The following KIAA1328 variants were observed in gnomAD, a reference collection of about 807,000 sequenced individuals.
KIAA1328 encodes the protein KIAA1328.
In KIAA1328, 52 loss-of-function variants were observed where a neutral mutation model predicts 68.1. The ratio of observed to expected loss-of-function variants is 0.76; its 90% CI spans 0.61 to 0.96. KIAA1328 has a LOEUF of 0.96. KIAA1328 is among the 40% of genes least tolerant of loss of function. The pLI is 0.00. For missense variants in KIAA1328, 641 were observed against 677.6 expected, an observed-to-expected ratio of 0.95 and a Z score of 0.60; for synonymous variants, 232 against 239.4, an observed-to-expected ratio of 0.97 and a Z score of 0.28.
intron 6 of KIAA1328, among the ~76,000 whole-genome samples, chr18:37,023,907 A>C (rs1305996801): frequency 3.9e-5 from 6 of 152,206 alleles, no homozygotes; most frequent in African/African-American, 4.8e-5. Context: ...TTTGTCACCC[A>C]GGTAATAAGC....
At position 37,013,295 on chromosome 18, in the gene KIAA1328, A is replaced by G. The variant is rs118118363; in HGVS notation, c.577-53595A>G. The stretch of plus-strand genomic sequence containing the variant: ...ACTTATATGACCTTTGAAAAATTAA[A>G]TAATCTATAGACTTCCTCATATATA... On this transcript the variant is annotated intron_variant, in intron 6 of 9. Transcript: ENST00000280020. Among the ~76,000 whole-genome samples, 1,066 of 152,262 alleles carry G rather than the reference A, an allele frequency of 7.0e-3. 6 individuals are homozygous for G. Among genetic ancestry groups the G allele is most frequent in the Middle Eastern group, 0.017 (5 of 294 alleles).
intron 6 of KIAA1328, among the ~76,000 whole-genome samples, chr18:36,976,080 T>C (rs1168156587): frequency 6.6e-6 from 1 of 152,218 alleles, no homozygotes; most frequent in Non-Finnish European, 1.5e-5. Context: ...TTTCTGATGA[T>C]GTAACTGTCC....
intron 5 of KIAA1328, among the ~76,000 whole-genome samples, chr18:36,940,675 T>C (rs1168405530): frequency 1.9e-5 from 2 of 107,874 alleles, no homozygotes; most frequent in African/African-American, 5.8e-5. Flanking sequence ...CTCATTTTAC[T>C]TTTTTTTTTT....
chr18:36,910,933 A>G (rs2049421189), intron 5 of KIAA1328, among the ~76,000 whole-genome samples: 1 of 152,038 alleles, frequency 6.6e-6, no homozygotes, highest in African/African-American at 2.4e-5. Flanking sequence ...GTCTGAAACT[A>G]ATCCACCTCC....
Position 36,885,559 on chromosome 18 carries a change from T to C in KIAA1328, c.335T>C (p.Val112Ala). The change falls in exon 5 of 10, where the codon GTA becomes GCA. Residue 112 changes from valine (V) to alanine (A), a missense_variant and splice_region_variant. By Grantham distance (64) the Val-to-Ala change is moderately conservative (BLOSUM62 0). Transcript: ENST00000280020. ...IANLIKELAR[V>A]SEEKEVTEER... ...AGGTTTTTTTTTTTTTATTTCAGAG[T>C]AAGTGAGGAAAAGGAAGTGACAGAG... 1 of 1,508,384 alleles carries C rather than the reference T, an allele frequency of 6.6e-7. No individual in the cohort carries two copies. Among genetic ancestry groups the C allele is most frequent in the Non-Finnish European group, 8.9e-7 (1 of 1,127,808 alleles). 93.4% of individuals were successfully genotyped at this position (1,508,384 alleles called of 1,614,324 possible).
chr18:37,088,431 C>G (rs1383710056), intron 7 of KIAA1328, among the ~76,000 whole-genome samples: 1 of 152,084 alleles, frequency 6.6e-6, no homozygotes, highest in Non-Finnish European at 1.5e-5. Flanking sequence ...TTTGCAGTCA[C>G]TCTGTATTCA....
chr18:37,135,555 T>C (rs575939832), intron 7 of KIAA1328, among the ~76,000 whole-genome samples: 96 of 152,326 alleles, frequency 6.3e-4, no homozygotes, highest in African/African-American at 2.3e-3. Flanking sequence ...CTTGTTTAAC[T>C]GTTTTAGCTC....
chr18:36,954,328 G>C (rs1408335599), intron 5 of KIAA1328: 1 of 152,022 alleles, frequency 6.6e-6, no homozygotes, highest in Non-Finnish European at 1.5e-5. Context: ...CTGTGAAGTG[G>C]AAGTTAGATT....
rs1004981372 is a variant in KIAA1328 at position 37,066,988 on chromosome 18, A to G, written c.675A>G (p.Gln225=). The change falls in exon 7 of 10, where the codon CAA becomes CAG. Residue 225 remains glutamine, a synonymous_variant. Coordinates refer to ENST00000280020, the MANE Select transcript of KIAA1328 (RefSeq NM_020776.3). ...CACAGACCTACTATCAAACCAAGCAAAGACCTAAGTCTGCAGTCCAGGATT... is the reference window on the plus strand; with the variant it reads ...CACAGACCTACTATCAAACCAAGCAGAGACCTAAGTCTGCAGTCCAGGATT... The part of the protein sequence containing the change: ...ARPQTYYQTK[Q]RPKSAVQDSA... 5.0e-6 allele frequency: 8 copies of G among 1,613,618 alleles called. No homozygotes were observed. In the African/African-American group the frequency reaches 1.1e-4, roughly 22 times the overall value.
At chr18:36,896,585 C>CA (rs1356828837) in intron 5 of KIAA1328, among the ~76,000 whole-genome samples, 1 of 151,986 alleles carries the variant, frequency 6.6e-6, no homozygotes, top group Admixed American at 6.6e-5. Flanking sequence ...AACTGAAATT[C>CA]AAAAAACATT....
At chr18:37,031,081 A>G (rs1568314734) in intron 6 of KIAA1328, among the ~76,000 whole-genome samples, 1 of 152,158 alleles carries the variant, frequency 6.6e-6, no homozygotes, top group Non-Finnish European at 1.5e-5. Context: ...CCAGTCTATC[A>G]TTGATGGACA....
chr18:37,139,773 C>CTAT (rs1398364780), intron 7 of KIAA1328, among the ~76,000 whole-genome samples: 2 of 152,102 alleles, frequency 1.3e-5, no homozygotes, highest in Non-Finnish European at 2.9e-5. Flanking sequence ...AATAATGTAT[C>CTAT]TATATGGTGT....
intron 9 of KIAA1328, among the ~76,000 whole-genome samples, chr18:37,189,093 A>G (rs2059856290): frequency 6.6e-6 from 1 of 152,212 alleles, no homozygotes; most frequent in African/African-American, 2.4e-5. Flanking sequence ...GGCTTTCCAT[A>G]TGGGTGAGGA....
chr18:36,860,911 A>G (rs2047544216), intron 4 of KIAA1328, among the ~76,000 whole-genome samples: 1 of 152,152 alleles, frequency 6.6e-6, no homozygotes, highest in African/African-American at 2.4e-5. Flanking sequence ...TCAATAAGCT[A>G]TTTTTTAAAA....
chr18:37,119,126 G>T (rs991445759), intron 7 of KIAA1328, among the ~76,000 whole-genome samples: 4 of 152,176 alleles, frequency 2.6e-5, no homozygotes, highest in African/African-American at 9.7e-5. Flanking sequence ...AAAACACTCT[G>T]TAAGTCCATG....
chr18:37,041,102 T>C (rs2055226810), intron 6 of KIAA1328, among the ~76,000 whole-genome samples: 1 of 152,014 alleles, frequency 6.6e-6, no homozygotes. Flanking sequence ...TTTTATACTT[T>C]GCTGATTTTT....
intron 3 of KIAA1328, 57 bp downstream of exon 3, chr18:36,835,433 C>T (rs2046642108): frequency 1.3e-6 from 2 of 1,489,640 alleles, no homozygotes; most frequent in Non-Finnish European, 1.8e-6. Flanking sequence ...TGAGTGCTGA[C>T]CAAAAAGGGT....
In KIAA1328 at chr18:36,988,501, A is replaced by G. The variant is rs540841496; in HGVS notation, c.576+29066A>G. On this transcript the variant is annotated intron_variant, in intron 6 of 9. Transcript: ENST00000280020. Reference sequence around the variant, plus strand: ...AAGATACAGTTCATAGTTATTTACAAACCATTTTGTGTGTGTGAAAGATTT... The same window carrying G: ...AAGATACAGTTCATAGTTATTTACAGACCATTTTGTGTGTGTGAAAGATTT... 1.4e-4 allele frequency among the ~76,000 whole-genome samples: 22 copies of G among 152,316 alleles called. 1 individual carries two copies. In the South Asian group the frequency reaches 4.1e-3, roughly 29 times the overall value.
At chr18:36,993,811 A>G (rs1445067848) in intron 6 of KIAA1328, among the ~76,000 whole-genome samples, 2 of 152,136 alleles carry the variant, frequency 1.3e-5, no homozygotes, top group African/African-American at 4.8e-5. Context: ...AGATGATTAA[A>G]GTCAGAAATG....
Sources: gnomAD v4.1 joint callset for allele counts (sites outside exome capture counted in the v4.1 genomes callset) on GRCh38, gnomAD v4.1.1 for gene constraint, MANE v1.5 for transcripts, NCBI Gene and HGNC (gene_info 2026-07-23, HGNC 2026-07-21) for gene names.